Variants in MANBA observed in about 807,000 individuals in gnomAD.
MANBA encodes mannosidase beta.
A neutral mutation model predicts 111.1 loss-of-function variants in MANBA; 83 were observed. The ratio of observed to expected loss-of-function variants is 0.75; its 90% CI spans 0.63 to 0.90. The LOEUF is 0.90. Among genes scored for constraint, MANBA ranks in the 40% least tolerant of loss-of-function variants. The pLI is 0.00. For synonymous variants in MANBA, 370 were observed against 378.7 expected, an observed-to-expected ratio of 0.98 and a Z score of 0.27; for missense variants, 1,036 against 1,069.0, an observed-to-expected ratio of 0.97 and a Z score of 0.43.
intron 4 of MANBA, among the ~76,000 whole-genome samples, chr4:102,717,128 T>A (rs1481852251): frequency 6.6e-6 from 1 of 152,196 alleles, no homozygotes; most frequent in Admixed American, 6.5e-5. Context: ...CATTAAGAGC[T>A]ACAAATCACT....
At chr4:102,695,537 T>C (rs1426284009) in intron 5 of MANBA, among the ~76,000 whole-genome samples, 3 of 152,140 alleles carry the variant, frequency 2.0e-5, no homozygotes, top group Non-Finnish European at 2.9e-5. Context: ...TGGGTGGTAA[T>C]GACTATTCTA....
chr4:102,704,558 T>C (rs1366669363), intron 5 of MANBA, among the ~76,000 whole-genome samples: 1 of 152,182 alleles, frequency 6.6e-6, no homozygotes, highest in Non-Finnish European at 1.5e-5. Context: ...GTACCTTTTT[T>C]TATTATGAAC....
intron 12 of MANBA, among the ~76,000 whole-genome samples, chr4:102,654,259 T>G (rs1227678338): frequency 6.6e-6 from 1 of 152,110 alleles, no homozygotes; most frequent in Non-Finnish European, 1.5e-5. Context: ...CCTCCTTCAC[T>G]CTGAAACAAC....
chr4:102,720,849 C>G (rs1722537540), intron 4 of MANBA, among the ~76,000 whole-genome samples: 1 of 152,044 alleles, frequency 6.6e-6, no homozygotes, highest in Non-Finnish European at 1.5e-5. Context: ...TTGAATCAAA[C>G]AGGAGGAGGT....
At chr4:102,731,942 T>C (rs1723046904) in intron 1 of MANBA, among the ~76,000 whole-genome samples, 1 of 151,850 alleles carries the variant, frequency 6.6e-6, no homozygotes, top group Non-Finnish European at 1.5e-5. Flanking sequence ...AGTTTCACTC[T>C]TGTTGCCCAG....
In MANBA at chr4:102,760,952, C is replaced by T. The variant is rs548442432; in HGVS notation, c.-58G>A. The T allele has an allele frequency of 3.2e-4, 485 of 1,494,412 alleles. 1 individual carries two copies. In the African/African-American group the frequency reaches 6.1e-3, roughly 19 times the overall value. The allele number at this position is 1,494,412 out of a possible 1,614,324, so 92.6% of individuals were successfully genotyped here. ...ATCGAAAGGCAGCGCTGCAAGGGAC[C>T]GGCGGTGAAGCCACTCACCCCCTCG... On this transcript the variant is annotated 5_prime_UTR_variant, in exon 1 of 17. Transcript: ENST00000647097.
chr4:102,714,371 A>C, intron 5 of MANBA, 67 bp downstream of exon 5: 6 of 1,462,744 alleles, frequency 4.1e-6, no homozygotes, highest in South Asian at 3.5e-5. Flanking sequence ...TCTGTATTTC[A>C]ATTATAAACC....
chr4:102,669,108 A>G, intron 9 of MANBA, 59 bp from the exon 10 acceptor site: 1 of 1,300,024 alleles, frequency 7.7e-7, no homozygotes. Context: ...CACAGAAGAA[A>G]GTCTTTATTC....
At chr4:102,678,410 T>C (rs915562589) in intron 7 of MANBA, among the ~76,000 whole-genome samples, 1 of 152,110 alleles carries the variant, frequency 6.6e-6, no homozygotes, top group Non-Finnish European at 1.5e-5. Flanking sequence ...AACAGGTATT[T>C]TACTTCAGAG....
chr4:102,688,295 GCA>G (rs112932815), intron 7 of MANBA, among the ~76,000 whole-genome samples: 2,816 of 146,072 alleles, frequency 0.019, 45 homozygotes, highest in African/African-American at 0.046. Context: ...GCGTGCGCGC[GCA>G]CACACACACA....
intron 2 of MANBA, among the ~76,000 whole-genome samples, chr4:102,725,137 G>T (rs569971080): frequency 6.6e-6 from 1 of 152,080 alleles, no homozygotes; most frequent in Admixed American, 6.6e-5. Flanking sequence ...AACTTTTTGT[G>T]GGGGGATGAG....
At chr4:102,648,894 G>T (rs1263097339) in intron 13 of MANBA, among the ~76,000 whole-genome samples, 1 of 151,904 alleles carries the variant, frequency 6.6e-6, no homozygotes, top group Admixed American at 6.6e-5. Context: ...TCCTCCACAA[G>T]TGTAGTTAAT....
intron 1 of MANBA, chr4:102,751,530 A>G: frequency 1.9e-6 from 1 of 532,436 alleles, no homozygotes. Context: ...ACTAAAGGAC[A>G]AAAATGAGTT....
At chr4:102,642,605 T>C (rs1355122469) in intron 13 of MANBA, among the ~76,000 whole-genome samples, 1 of 152,076 alleles carries the variant, frequency 6.6e-6, no homozygotes, top group Non-Finnish European at 1.5e-5. Flanking sequence ...AGACTCTGTC[T>C]AAAAAAGAAG....
intron 13 of MANBA, among the ~76,000 whole-genome samples, chr4:102,646,755 G>T (rs1304448351): frequency 6.6e-6 from 1 of 152,056 alleles, no homozygotes; most frequent in African/African-American, 2.4e-5. Flanking sequence ...TGGGCTATTG[G>T]GAATACAATA....
Position 102,760,854 on chromosome 4 carries a change from G to A in MANBA, c.41C>T (p.Ala14Val), listed in dbSNP as rs1275951428. The A allele has an allele frequency of 1.9e-6, 3 of 1,571,114 alleles. No homozygotes were observed. The highest frequency in any genetic ancestry group is 2.6e-6 in the Non-Finnish European group (3 of 1,159,542). ...ACTGAGCTCCGCGGCGGTGGTGCCT[G>A]CACCGCACAGCGCGAGCAGCAGGAG... ...HLLLLLALCG[A>V]GTTAAELSYS... The change falls in exon 1 of 17, where the codon GCA becomes GTA. Residue 14 changes from alanine to valine, a missense_variant. Coordinates refer to ENST00000647097, the MANE Select transcript of MANBA (RefSeq NM_005908.4).
intron 1 of MANBA, among the ~76,000 whole-genome samples, chr4:102,755,443 T>G (rs1211298801): frequency 6.6e-6 from 1 of 152,200 alleles, no homozygotes; most frequent in Non-Finnish European, 1.5e-5. Context: ...ACTGGATTCC[T>G]TCCTTATACC....
At chr4:102,656,435 G>A (rs1381961636) in intron 12 of MANBA, among the ~76,000 whole-genome samples, 1 of 152,092 alleles carries the variant, frequency 6.6e-6, no homozygotes, top group Admixed American at 6.6e-5. Context: ...AACAAGTGTT[G>A]GCAAGGATGT....
chr4:102,727,370 CT>C, intron 1 of MANBA: 2 of 783,804 alleles, frequency 2.6e-6, no homozygotes, highest in Non-Finnish European at 4.5e-6. Context: ...CCTTGGACAT[CT>C]TTACTTCTTG....
Sources: gnomAD v4.1 joint callset for allele counts (sites outside exome capture counted in the v4.1 genomes callset) on GRCh38, gnomAD v4.1.1 for gene constraint, MANE v1.5 for transcripts, NCBI Gene and HGNC (gene_info 2026-07-23, HGNC 2026-07-21) for gene names.